Variants in PCDH7 observed in about 807,000 individuals in gnomAD.
PCDH7 encodes the protein protocadherin-7.
A neutral mutation model predicts 58.9 loss-of-function variants in PCDH7; 17 were observed. The observed-to-expected ratio is 0.29, with a 90% CI of 0.20 to 0.43. The LOEUF (loss-of-function observed/expected upper bound fraction) is 0.43. Ranked by LOEUF, PCDH7 falls within the 20% of genes least tolerant of loss-of-function variation. PCDH7 has a pLI of 1.00. For missense variants in PCDH7, 1,274 were observed against 1,441.0 expected (o/e 0.88, Z 1.88); for synonymous variants, 664 against 616.4 (o/e 1.08, Z -1.14).
At chr4:30,888,969 C>T (rs1191621289) in intron 1 of PCDH7, among the ~76,000 whole-genome samples, 1 of 151,670 alleles carries the variant, frequency 6.6e-6, no homozygotes, top group Non-Finnish European at 1.5e-5. Context: ...TTGCTTGAGT[C>T]CAGGAGTTCA....
chr4:30,803,871 G>A (rs1056908490), intron 1 of PCDH7, among the ~76,000 whole-genome samples: 1 of 152,144 alleles, frequency 6.6e-6, no homozygotes, highest in African/African-American at 2.4e-5. Flanking sequence ...AATTGAAAGG[G>A]GAAATCCAAG....
intron 3 of PCDH7, among the ~76,000 whole-genome samples, chr4:31,070,766 A>G (rs987902016): frequency 6.6e-6 from 1 of 152,098 alleles, no homozygotes. Context: ...AGAATACATT[A>G]TCAGAAGTCA....
intron 1 of PCDH7, among the ~76,000 whole-genome samples, chr4:30,813,729 C>T (rs1048906634): frequency 3.9e-5 from 6 of 152,142 alleles, no homozygotes; most frequent in African/African-American, 1.2e-4. Context: ...GCAACCTCCA[C>T]CTTCTGGTTT....
intron 2 of PCDH7, among the ~76,000 whole-genome samples, chr4:30,945,485 C>G (rs747233288): frequency 6.6e-6 from 1 of 151,946 alleles, no homozygotes; most frequent in African/African-American, 2.4e-5. Context: ...ACTATTAATG[C>G]CTAATAAATG....
At chr4:31,128,110 T>C (rs912130198) in intron 3 of PCDH7, among the ~76,000 whole-genome samples, 6 of 151,300 alleles carry the variant, frequency 4.0e-5, no homozygotes, top group Non-Finnish European at 7.4e-5. Flanking sequence ...TATGTGTATA[T>C]ATATACACAT....
intron 2 of PCDH7, among the ~76,000 whole-genome samples, chr4:30,922,369 ATCTT>A: frequency 6.6e-6 from 1 of 151,818 alleles, no homozygotes; most frequent in Non-Finnish European, 1.5e-5. Context: ...GTACAATTAA[ATCTT>A]TATTTTTTGG....
chr4:30,996,214 A>G (rs1751886507), intron 3 of PCDH7, among the ~76,000 whole-genome samples: 1 of 152,044 alleles, frequency 6.6e-6, no homozygotes, highest in African/African-American at 2.4e-5. Context: ...ACACATGCTG[A>G]CTATCTCACC....
intron 1 of PCDH7, among the ~76,000 whole-genome samples, chr4:30,824,628 C>T (rs149026477): frequency 3.3e-5 from 5 of 152,030 alleles, no homozygotes; most frequent in South Asian, 4.1e-4. Flanking sequence ...ATCAAGAGTA[C>T]GGTTTTATCA....
At chr4:30,955,980 C>A (rs978052785) in intron 3 of PCDH7, among the ~76,000 whole-genome samples, 3 of 150,476 alleles carry the variant, frequency 2.0e-5, no homozygotes, top group South Asian at 2.1e-4. Context: ...GTCAGGAGAT[C>A]GAGACCATCC....
At chr4:31,029,245 A>AT (rs1182454287) in intron 3 of PCDH7, among the ~76,000 whole-genome samples, 3 of 152,172 alleles carry the variant, frequency 2.0e-5, no homozygotes, top group Admixed American at 6.5e-5. Flanking sequence ...CTATAAGTCC[A>AT]TTTTTTTGGT....
At chr4:31,133,073 A>C (rs974168588) in intron 3 of PCDH7, among the ~76,000 whole-genome samples, 3 of 152,230 alleles carry the variant, frequency 2.0e-5, no homozygotes, top group Non-Finnish European at 4.4e-5. Context: ...GTGTCACTGA[A>C]TGGCAGTTTA....
At chr4:30,933,099 T>A (rs1418264628) in intron 2 of PCDH7, among the ~76,000 whole-genome samples, 1 of 151,868 alleles carries the variant, frequency 6.6e-6, no homozygotes, top group Non-Finnish European at 1.5e-5. Flanking sequence ...TGATCTCGGC[T>A]CACTGCAACC....
At chr4:30,798,761 A>G (rs1450286380) in intron 1 of PCDH7, among the ~76,000 whole-genome samples, 3 of 152,226 alleles carry the variant, frequency 2.0e-5, no homozygotes, top group African/African-American at 7.2e-5. Flanking sequence ...ACCATCACTA[A>G]CGAATCCATG....
At chr4:30,747,721 C>G (rs1314337756) in intron 1 of PCDH7, among the ~76,000 whole-genome samples, 2 of 152,222 alleles carry the variant, frequency 1.3e-5, no homozygotes, top group African/African-American at 2.4e-5. Context: ...CATTTGCAAT[C>G]TTAATTCTCC....
At chr4:30,757,189 G>A (rs572551813) in intron 1 of PCDH7, among the ~76,000 whole-genome samples, 7 of 152,270 alleles carry the variant, frequency 4.6e-5, no homozygotes, top group African/African-American at 1.7e-4. Flanking sequence ...TGTAATGTGT[G>A]CAAAGTCAAA....
intron 1 of PCDH7, among the ~76,000 whole-genome samples, chr4:30,729,011 C>T (rs1715064123): frequency 6.6e-6 from 1 of 151,708 alleles, no homozygotes; most frequent in Non-Finnish European, 1.5e-5. Context: ...TAATCAACAG[C>T]TTAATGACTG....
intron 1 of PCDH7, among the ~76,000 whole-genome samples, chr4:30,862,287 G>T (rs1260823896): frequency 6.6e-6 from 1 of 152,178 alleles, no homozygotes; most frequent in Non-Finnish European, 1.5e-5. Context: ...TTCAGAGAGG[G>T]ATGCCAACAG....
Position 31,131,093 on chromosome 4 carries a change from C to T in PCDH7, c.*8-11380C>T, listed in dbSNP as rs78987676. 1.2e-3 allele frequency among the ~76,000 whole-genome samples: 187 copies of T among 152,220 alleles called. 4 individuals carry two copies. The East Asian group carries it at 0.033, about 27-fold the overall frequency. The stretch of plus-strand genomic sequence containing the variant: ...TGAATGCGCAGAGCAGCTCCTGCCC[C>T]AACACAGGGAGCACTGAGACTGCCT... On this transcript the variant is annotated intron_variant, in intron 3 of 3. Transcript: ENST00000509759.
At chr4:30,813,499 C>T (rs1029999376) in intron 1 of PCDH7, among the ~76,000 whole-genome samples, 1 of 152,206 alleles carries the variant, frequency 6.6e-6, no homozygotes, top group East Asian at 1.9e-4. Context: ...GAAATGTACA[C>T]TCTGGTAGAA....
Sources: allele counts gnomAD v4.1 joint callset (sites outside exome capture counted in the v4.1 genomes callset), GRCh38; gene constraint gnomAD v4.1.1; transcripts MANE v1.5; gene names NCBI Gene and HGNC (gene_info 2026-07-23, HGNC 2026-07-21).